The following TAB2 variants were observed in gnomAD, a reference collection of about 807,000 sequenced individuals.
TAB2 encodes the protein TGF-beta activated kinase 1 (MAP3K7) binding protein 2, also known as TGF-beta-activated kinase 1 and MAP3K7-binding protein 2.
A neutral mutation model predicts 65.0 loss-of-function variants in TAB2; 3 were observed. That is an observed-to-expected ratio of 0.05 (90% CI 0.02 to 0.12). The LOEUF (loss-of-function observed/expected upper bound fraction) is 0.12, where lower values mean the gene tolerates loss of function less well. Ranked by LOEUF, TAB2 falls within the 10% of genes least tolerant of loss-of-function variation. The pLI is 1.00. For missense variants in TAB2, 623 were observed against 840.3 expected (o/e 0.74, Z 3.20); for synonymous variants, 298 against 285.1 (o/e 1.05, Z -0.46).
upstream of TAB2, chr6:149,217,984 T>A (rs1033809476): frequency 6.6e-6 from 1 of 152,140 alleles, no homozygotes; most frequent in Admixed American, 6.5e-5. Context: ...AGCAACAGTC[T>A]CAGAATATGA....
chr6:149,339,958 C>T (rs1326933660), intron 1 of TAB2, among the ~76,000 whole-genome samples: 2 of 152,048 alleles, frequency 1.3e-5, no homozygotes, highest in African/African-American at 4.8e-5. Context: ...TAGGCATTTA[C>T]TTTACGATTC....
intron 3 of TAB2, among the ~76,000 whole-genome samples, chr6:149,384,603 C>T (rs1005149254): frequency 4.6e-5 from 7 of 152,142 alleles, no homozygotes; most frequent in Admixed American, 3.3e-4. Flanking sequence ...AGAACAAATA[C>T]AGAAGTGAAA....
At chr6:149,351,801 A>G (rs868746995) in intron 1 of TAB2, among the ~76,000 whole-genome samples, 1 of 152,210 alleles carries the variant, frequency 6.6e-6, no homozygotes, top group Admixed American at 6.5e-5. Flanking sequence ...TATATACCTT[A>G]TATCATAATT....
chr6:149,301,460 T>C (rs1412085500), intron 1 of TAB2, among the ~76,000 whole-genome samples: 1 of 152,232 alleles, frequency 6.6e-6, no homozygotes, highest in East Asian at 1.9e-4. Context: ...TATAAAAATT[T>C]CTTAAAGTGA....
intron 1 of TAB2, among the ~76,000 whole-genome samples, chr6:149,259,325 C>T (rs558344511): frequency 3.5e-5 from 5 of 142,026 alleles, no homozygotes; most frequent in Admixed American, 2.1e-4. Context: ...GCCTATAGCA[C>T]GCTCCCTCTA....
At chr6:149,244,414 A>T (rs1777661764) in intron 1 of TAB2, 1 of 152,370 alleles carries the variant, frequency 6.6e-6, no homozygotes, top group Non-Finnish European at 1.5e-5. Flanking sequence ...GAAGTTTACC[A>T]GAACATAGGG....
At chr6:149,260,720 G>A (rs1032358891) in intron 1 of TAB2, among the ~76,000 whole-genome samples, 3 of 152,194 alleles carry the variant, frequency 2.0e-5, no homozygotes, top group Non-Finnish European at 2.9e-5. Flanking sequence ...GAGAAGCGCT[G>A]AGAAGGGAGC....
upstream of TAB2, chr6:149,317,613 G>T (rs1028762240): frequency 1.3e-5 from 2 of 157,736 alleles, no homozygotes; most frequent in African/African-American, 4.8e-5. This position sits in a 1 kb window ranked among gnomAD's most constrained non-coding sequence, Gnocchi z 4.7. Context: ...GGGGGGGTGG[G>T]GGGAGGGCAG....
At chr6:149,401,592 C>T (rs1782413856) in intron 6 of TAB2, among the ~76,000 whole-genome samples, 1 of 151,994 alleles carries the variant, frequency 6.6e-6, no homozygotes, top group Non-Finnish European at 1.5e-5. Flanking sequence ...CAGAAATTGA[C>T]AGCAATAGTA....
chr6:149,364,376 T>C (rs1338619046), intron 1 of TAB2, among the ~76,000 whole-genome samples: 1 of 152,082 alleles, frequency 6.6e-6, no homozygotes. Flanking sequence ...TTTTTCCCAA[T>C]GTACCATGCT....
intron 1 of TAB2, among the ~76,000 whole-genome samples, chr6:149,276,045 A>G (rs1347588282): frequency 1.3e-5 from 2 of 152,234 alleles, no homozygotes; most frequent in African/African-American, 2.4e-5. Context: ...TAATGTATTA[A>G]TATTTGTTCA....
At position 149,260,678 on chromosome 6, in the gene TAB2, G is replaced by A. The variant is rs997834422; in HGVS notation, c.-121+41902G>A. On this transcript the variant is annotated intron_variant, in intron 1 of 1. Transcript: ENST00000606202. ...AAAATAGGCAAAACGAAATCTATGG[G>A]ACGGGGGCTGGAGGGTGGCGTGGTA... Among the ~76,000 whole-genome samples, 7 of 152,316 alleles carry A rather than the reference G, an allele frequency of 4.6e-5. No individual in the cohort carries two copies. The South Asian group carries it at 6.2e-4, about 14-fold the overall frequency.
chr6:149,364,606 CT>C (rs1780980886), intron 1 of TAB2, among the ~76,000 whole-genome samples: 1 of 151,438 alleles, frequency 6.6e-6, no homozygotes, highest in Non-Finnish European at 1.5e-5. Flanking sequence ...AATACTTGTA[CT>C]ATCTCCAGCA....
intron 1 of TAB2, among the ~76,000 whole-genome samples, chr6:149,367,918 C>A (rs1265796752): frequency 6.6e-6 from 1 of 152,010 alleles, no homozygotes; most frequent in African/African-American, 2.4e-5. Flanking sequence ...TAAGTTGATA[C>A]ACAAAAGGAG....
rs1781165516 is a variant in TAB2, at chr6:149,369,973, A to G, written c.-25A>G. The stretch of plus-strand genomic sequence containing the variant: ...AGGCCTAGAATTGCCTACTGTACAA[A>G]TAGTCCTGATCAGGCAATATACGAA... On this transcript the variant is annotated 5_prime_UTR_variant, in exon 2 of 7. Coordinates refer to ENST00000637181, the MANE Select transcript of TAB2 (RefSeq NM_001292034.3). 2 of 1,587,232 alleles carry G rather than the reference A, an allele frequency of 1.3e-6. No individual in the cohort carries two copies. The highest frequency in any genetic ancestry group is 1.1e-5 in the South Asian group (1 of 90,538).
At chr6:149,407,009 G>A (rs1583167640) in intron 6 of TAB2, among the ~76,000 whole-genome samples, 1 of 152,190 alleles carries the variant, frequency 6.6e-6, no homozygotes, top group Non-Finnish European at 1.5e-5. Flanking sequence ...GAGCCACAGC[G>A]CCCAGCCTCC....
chr6:149,231,067 C>T (rs1731616878), intron 1 of TAB2, among the ~76,000 whole-genome samples: 1 of 152,218 alleles, frequency 6.6e-6, no homozygotes, highest in Admixed American at 6.5e-5. Context: ...AGATAGAAAG[C>T]AGGTCTCTCT....
intron 1 of TAB2, among the ~76,000 whole-genome samples, chr6:149,332,712 G>A (rs1442381229): frequency 6.6e-6 from 1 of 152,110 alleles, no homozygotes; most frequent in South Asian, 2.1e-4. Flanking sequence ...CAGCCAGAGA[G>A]ATAAATGAAA....
chr6:149,331,077 T>G (rs1779769485), intron 1 of TAB2, among the ~76,000 whole-genome samples: 1 of 152,130 alleles, frequency 6.6e-6, no homozygotes, highest in African/African-American at 2.4e-5. Flanking sequence ...TTCATTCTCC[T>G]TTTTCAGAAT....
Sources: allele counts gnomAD v4.1 joint callset (sites outside exome capture counted in the v4.1 genomes callset), GRCh38; gene constraint gnomAD v4.1.1; non-coding constraint Gnocchi (gnomAD v3.1); transcripts MANE v1.5; gene names NCBI Gene and HGNC (gene_info 2026-07-23, HGNC 2026-07-21).